PPM1L: variants seen among roughly 807,000 people sequenced by gnomAD.
The protein encoded by PPM1L is protein phosphatase 1L.
PPM1L carries 13 observed loss-of-function variants against 31.4 expected under a neutral mutation model. The ratio of observed to expected loss-of-function variants is 0.41; its 90% CI spans 0.27 to 0.66. The LOEUF (loss-of-function observed/expected upper bound fraction) is 0.66. Among genes scored for constraint, PPM1L ranks in the 30% least tolerant of loss-of-function variants. The pLI is 0.29. For synonymous variants in PPM1L, 184 were observed against 175.4 expected (o/e 1.05, Z -0.39); for missense variants, 326 against 453.7 (o/e 0.72, Z 2.56).
chr3:160,786,697 G>A (rs1711944026), intron 1 of PPM1L, among the ~76,000 whole-genome samples: 1 of 151,690 alleles, frequency 6.6e-6, no homozygotes, highest in East Asian at 1.9e-4. Flanking sequence ...CATCACCCAG[G>A]TAGTGAGCAT....
At chr3:160,975,886 C>G (rs1163011956) in intron 2 of PPM1L, among the ~76,000 whole-genome samples, 5 of 146,312 alleles carry the variant, frequency 3.4e-5, no homozygotes, top group Admixed American at 1.4e-4. Flanking sequence ...GCCTAATTGC[C>G]CTGGCCAGAA....
intron 1 of PPM1L, among the ~76,000 whole-genome samples, chr3:160,953,078 G>A (rs189516739): frequency 2.3e-3 from 350 of 152,256 alleles, no homozygotes; most frequent in African/African-American, 8.3e-3. Flanking sequence ...TTCTTAAGAT[G>A]CATGTCTGAG....
At chr3:160,941,615 T>C (rs913360354) in intron 1 of PPM1L, among the ~76,000 whole-genome samples, 1 of 152,152 alleles carries the variant, frequency 6.6e-6, no homozygotes, top group Non-Finnish European at 1.5e-5. Flanking sequence ...CCTCCCGCGA[T>C]GATTCTGAGG....
At chr3:161,003,631 T>C (rs1337401467) in intron 2 of PPM1L, among the ~76,000 whole-genome samples, 5 of 152,094 alleles carry the variant, frequency 3.3e-5, no homozygotes, top group South Asian at 4.2e-4. Context: ...CATGATTTGG[T>C]TCTCTGTTTG....
At chr3:160,762,739 T>C (rs549277396) in intron 1 of PPM1L, among the ~76,000 whole-genome samples, 12 of 152,040 alleles carry the variant, frequency 7.9e-5, no homozygotes, top group African/African-American at 2.4e-4. Flanking sequence ...ATATTAGAGA[T>C]TGAAGAAAAA....
chr3:161,026,910 G>T (rs1447063003), intron 2 of PPM1L, among the ~76,000 whole-genome samples: 1 of 152,176 alleles, frequency 6.6e-6, no homozygotes, highest in Non-Finnish European at 1.5e-5. Context: ...TGGAGAAATA[G>T]CAGGGGAAGA....
At chr3:160,896,432 A>G (rs17236697) in intron 1 of PPM1L, among the ~76,000 whole-genome samples, 3,590 of 152,194 alleles carry the variant, frequency 0.024, 77 homozygotes, top group Middle Eastern at 0.034. Flanking sequence ...ATTGTAAGTT[A>G]AGGACCTGGG....
chr3:160,889,054 A>G (rs1028361733), intron 1 of PPM1L, among the ~76,000 whole-genome samples: 4 of 152,226 alleles, frequency 2.6e-5, no homozygotes, highest in African/African-American at 7.2e-5. Flanking sequence ...AAAGCTAGAA[A>G]GATTTCAAAT....
intron 2 of PPM1L, among the ~76,000 whole-genome samples, chr3:161,029,074 C>T (rs967387235): frequency 6.6e-6 from 1 of 152,110 alleles, no homozygotes. Context: ...AGCACATATA[C>T]AAACAAACAA....
Position 160,756,405 on chromosome 3 carries a change from T to G in PPM1L, c.97T>G (p.Leu33Val). Residue 33 changes from leucine (L) to valine (V), a missense_variant, in exon 1 of 4, where the codon TTG becomes GTG. By Grantham distance (32) the Leu-to-Val change is conservative. Around this residue, in one of 3 missense-constraint regions of PPM1L, gnomAD observed 42 missense variants for 76.1 expected, o/e 0.55. Transcript: ENST00000498165. The surrounding 1 kb of genome is among the most constrained non-coding windows in gnomAD (Gnocchi z 6.2). Reference protein sequence around the residue: ...PETLFLLCISLALWSYFFHTD... With the variant: ...PETLFLLCISVALWSYFFHTD... ...GACGCTTTTCCTGCTGTGCATCAGCTTGGCTCTATGGAGTTACTTCTTCCA... is the reference window on the plus strand; with the variant it reads ...GACGCTTTTCCTGCTGTGCATCAGCGTGGCTCTATGGAGTTACTTCTTCCA... 1 of 1,614,218 alleles carries G rather than the reference T, an allele frequency of 6.2e-7. No individual in the cohort carries two copies.
intron 2 of PPM1L, among the ~76,000 whole-genome samples, chr3:161,045,791 T>G (rs1182182623): frequency 2.0e-5 from 3 of 151,570 alleles, no homozygotes; most frequent in South Asian, 2.1e-4. Context: ...CTGAAGGAGA[T>G]AGATAGAGAC....
chr3:160,840,441 A>G (rs1174588073), intron 1 of PPM1L, among the ~76,000 whole-genome samples: 4 of 152,176 alleles, frequency 2.6e-5, no homozygotes, highest in African/African-American at 9.7e-5. Flanking sequence ...AGATGTACAT[A>G]TAGATATACG....
chr3:160,873,592 G>A (rs1712395957), intron 1 of PPM1L, among the ~76,000 whole-genome samples: 2 of 152,026 alleles, frequency 1.3e-5, no homozygotes, highest in Non-Finnish European at 2.9e-5. Context: ...CTATCGCCCA[G>A]GTTAGAGTGC....
At chr3:160,966,437 T>C (rs928891804) in intron 2 of PPM1L, among the ~76,000 whole-genome samples, 1 of 152,144 alleles carries the variant, frequency 6.6e-6, no homozygotes, top group African/African-American at 2.4e-5. Flanking sequence ...TGATTTTATA[T>C]CCTGCTTTTT....
chr3:160,986,538 GA>G (rs1462859586), intron 2 of PPM1L, among the ~76,000 whole-genome samples: 1 of 152,152 alleles, frequency 6.6e-6, no homozygotes, highest in African/African-American at 2.4e-5. Context: ...ACTGAACCTA[GA>G]AAAATAACAT....
chr3:160,914,267 C>G (rs1044653305), intron 1 of PPM1L, among the ~76,000 whole-genome samples: 1 of 151,956 alleles, frequency 6.6e-6, no homozygotes, highest in Non-Finnish European at 1.5e-5. Flanking sequence ...TGTTATTTGA[C>G]TTCTTAGTAT....
rs895062453 is a variant in PPM1L, at chr3:161,078,750, C to T, written c.*9593C>T. On this transcript the variant is annotated 3_prime_UTR_variant, in exon 4 of 4. Transcript: ENST00000498165. ...AAGATGCATGGCGTGTCATTTGGGT[C>T]GCTTTGATGGGTGCTCGGGTAGAAT... is the stretch of plus-strand genomic sequence containing the variant. 6.6e-6 allele frequency: 1 copy of T among 152,228 alleles called. No homozygotes were observed. The allele number at this position is 152,228 out of a possible 1,614,324, so 9.4% of individuals were successfully genotyped here.
intron 2 of PPM1L, among the ~76,000 whole-genome samples, chr3:161,014,818 T>G (rs892936823): frequency 6.6e-6 from 1 of 152,188 alleles, no homozygotes; most frequent in African/African-American, 2.4e-5. Flanking sequence ...ATGCTTCAGA[T>G]TTCTCAGACT....
At position 161,044,537 on chromosome 3, in the gene PPM1L, C is replaced by G. The variant is rs569994247; in HGVS notation, c.575-20866C>G. Among the ~76,000 whole-genome samples, 65 of 151,908 alleles carry G rather than the reference C, an allele frequency of 4.3e-4. No homozygotes were observed. In the South Asian group the frequency reaches 0.013, roughly 31 times the overall value. On this transcript the variant is annotated intron_variant, in intron 2 of 3. Transcript: ENST00000498165. ...GGCAGATCACTTGAGCCCAGGAGTT[C>G]AAGGTCAGTCTGGGCAACATGGTAA...
Sources: gnomAD v4.1 joint callset for allele counts (sites outside exome capture counted in the v4.1 genomes callset) on GRCh38, gnomAD v4.1.1 for gene constraint, gnomAD v4.1.1 regional missense constraint, Gnocchi (gnomAD v3.1) non-coding constraint, MANE v1.5 for transcripts, NCBI Gene and HGNC (gene_info 2026-07-23, HGNC 2026-07-21) for gene names.